AFF2: variants seen among roughly 807,000 people sequenced by gnomAD.
AFF2 encodes AF4/FMR2 family member 2.
A neutral mutation model predicts 76.9 loss-of-function variants in AFF2; 14 were observed. The observed-to-expected ratio is 0.18, with a 90% CI of 0.12 to 0.28. The LOEUF is 0.28. Among genes scored for constraint, AFF2 ranks in the 10% least tolerant of loss-of-function variants. AFF2 has a pLI of 1.00. For synonymous variants in AFF2, 398 were observed against 366.7 expected, an observed-to-expected ratio of 1.09 and a Z score of -0.98; for missense variants, 868 against 1,001.1, an observed-to-expected ratio of 0.87 and a Z score of 1.79.
chrX:148,538,081 C>T lies in AFF2; in HGVS notation c.47+36937C>T, dbSNP rs895058118. 5.3e-5 allele frequency among the ~76,000 whole-genome samples: 6 copies of T among 112,515 alleles called. No individual in the cohort carries two copies. In the Admixed American group the frequency reaches 5.6e-4, roughly 11 times the overall value. ...TCAGTGTCATTAGACCAACCTTCTA[C>T]GTAGTATCAAAACCTCTTATTCAGA... On this transcript the variant is annotated intron_variant, in intron 1 of 20. Transcript: ENST00000370460.
intron 1 of AFF2, among the ~76,000 whole-genome samples, chrX:148,614,050 T>C (rs1485257018): frequency 8.9e-6 from 1 of 111,929 alleles, no homozygotes; most frequent in Admixed American, 9.5e-5. Context: ...AAATAAGATA[T>C]GTAAGAATTG....
chrX:148,963,913 C>T (rs1557288383), intron 13 of AFF2, among the ~76,000 whole-genome samples: 7 of 111,703 alleles, frequency 6.3e-5, no homozygotes, highest in Non-Finnish European at 3.8e-5. Context: ...TTATTTTCTT[C>T]GTATCCATCA....
At chrX:148,814,220 T>C (rs947824642) in intron 4 of AFF2, among the ~76,000 whole-genome samples, 2 of 111,924 alleles carry the variant, frequency 1.8e-5, no homozygotes, top group Non-Finnish European at 3.8e-5. Flanking sequence ...GCTTCTTTTC[T>C]GAGCTCTACG....
At chrX:148,572,057 A>AT (rs1427644812) in intron 1 of AFF2, among the ~76,000 whole-genome samples, 1 of 110,950 alleles carries the variant, frequency 9.0e-6, no homozygotes. Flanking sequence ...CAAAAAAAAA[A>AT]AACTGTTACA....
At chrX:148,856,085 A>G (rs1557275874) in intron 7 of AFF2, among the ~76,000 whole-genome samples, 2 of 111,118 alleles carry the variant, frequency 1.8e-5, no homozygotes, top group African/African-American at 6.5e-5. Flanking sequence ...CCTGGACTAC[A>G]TTGAACATTT....
intron 1 of AFF2, among the ~76,000 whole-genome samples, chrX:148,645,031 T>C (rs2054131008): frequency 8.9e-6 from 1 of 112,359 alleles, no homozygotes; most frequent in African/African-American, 3.2e-5. Context: ...ATTACATTTT[T>C]AAATTGACCA....
At chrX:148,978,041 T>C (rs782385734) in intron 17 of AFF2, 37 bp downstream of exon 17, 1 of 1,033,295 alleles carries the variant, frequency 9.7e-7, no homozygotes, top group South Asian at 1.9e-5. Flanking sequence ...ATTGCTGAAA[T>C]GTCATGGAAG....
chrX:148,636,641 A>T (rs1257511778), intron 1 of AFF2, among the ~76,000 whole-genome samples: 4 of 112,292 alleles, frequency 3.6e-5, no homozygotes, highest in African/African-American at 1.3e-4. Flanking sequence ...GTTTTATATT[A>T]AAAGGCAGAG....
At chrX:148,877,730 T>C (rs1173458699) in intron 7 of AFF2, among the ~76,000 whole-genome samples, 2 of 112,050 alleles carry the variant, frequency 1.8e-5, no homozygotes, top group Non-Finnish European at 3.8e-5. Flanking sequence ...AAATTTGCCA[T>C]GCATCACATA....
intron 9 of AFF2, among the ~76,000 whole-genome samples, chrX:148,933,923 T>C (rs2071743209): frequency 8.9e-6 from 1 of 112,242 alleles, no homozygotes; most frequent in African/African-American, 3.2e-5. Context: ...CCTTCCCACC[T>C]GGTCATTCCT....
intron 7 of AFF2, among the ~76,000 whole-genome samples, chrX:148,874,991 T>A (rs2071020178): frequency 8.9e-6 from 1 of 112,154 alleles, no homozygotes; most frequent in Admixed American, 9.5e-5. Context: ...AAGCTAAATA[T>A]ATCATGCAAC....
chrX:148,593,093 C>T (rs1215377065), intron 1 of AFF2, among the ~76,000 whole-genome samples: 1 of 112,037 alleles, frequency 8.9e-6, no homozygotes, highest in Non-Finnish European at 1.9e-5. Context: ...AGGACATCCT[C>T]ATGTGTTCAG....
intron 9 of AFF2, among the ~76,000 whole-genome samples, chrX:148,918,769 T>C (rs2071560022): frequency 1.8e-5 from 2 of 111,967 alleles, no homozygotes; most frequent in African/African-American, 3.2e-5. Context: ...AGAGGACAGA[T>C]ACTCAAAAGC....
rs1255423334 is a variant in AFF2 at position 148,967,567 on chromosome X, T to C, written c.3204-62T>C. ...ATTTATAGCAGAAAAGGTTTGATGA[T>C]TCAGTCTTTTACTGAAAAGATGAAG... On this transcript the variant is annotated intron_variant, in intron 14 of 20. Transcript: ENST00000370460. 3 of 1,025,302 alleles carry C rather than the reference T, an allele frequency of 2.9e-6. No homozygotes were observed. In the Admixed American group the frequency reaches 7.0e-5, roughly 24 times the overall value. The allele number at this position is 1,025,302 out of a possible 1,213,427, so 84.5% of individuals were successfully genotyped here.
At chrX:148,604,077 A>G (rs781862752) in intron 1 of AFF2, among the ~76,000 whole-genome samples, 3 of 111,473 alleles carry the variant, frequency 2.7e-5, no homozygotes, top group African/African-American at 9.8e-5. Flanking sequence ...CATATCTTCA[A>G]ATGCTTTTTT....
At chrX:148,581,381 T>C (rs111221106) in intron 1 of AFF2, among the ~76,000 whole-genome samples, 5 of 419 alleles carry the variant, frequency 0.012, no homozygotes, top group Non-Finnish European at 0.019. Flanking sequence ...TGTACACACA[T>C]ATACACGTAT....
At chrX:148,845,544 A>G (rs1557274671) in intron 7 of AFF2, among the ~76,000 whole-genome samples, 1 of 112,741 alleles carries the variant, frequency 8.9e-6, no homozygotes, top group African/African-American at 3.2e-5. Context: ...TTTAGCTGCA[A>G]TAAGTTCCCT....
chrX:148,817,957 T>C (rs782705456), intron 4 of AFF2, among the ~76,000 whole-genome samples: 113 of 112,048 alleles, frequency 1.0e-3, no homozygotes, highest in African/African-American at 2.9e-3. Context: ...TGGAAACATA[T>C]TTAATGTGAT....
chrX:148,793,330 C>T lies in AFF2; in HGVS notation c.1042-16546C>T, dbSNP rs192294685. ...TCAAAAAGGTGCCCACAGACTTTGC[C>T]TCCCTTTTATGTAACTTCTGTTCTT... On this transcript the variant is annotated intron_variant, in intron 3 of 20. Coordinates refer to ENST00000370460, the MANE Select transcript of AFF2 (RefSeq NM_002025.4). Among the ~76,000 whole-genome samples, 28 of 111,985 alleles carry T rather than the reference C, an allele frequency of 2.5e-4. 1 individual carries two copies. The highest frequency in any genetic ancestry group is 1.9e-4 in the Non-Finnish European group (10 of 53,210).
Sources: allele counts gnomAD v4.1 joint callset (sites outside exome capture counted in the v4.1 genomes callset), GRCh38; gene constraint gnomAD v4.1.1; transcripts MANE v1.5; gene names NCBI Gene and HGNC (gene_info 2026-07-23, HGNC 2026-07-21).